The following ARHGAP39 variants were observed in gnomAD, a reference collection of about 807,000 sequenced individuals.
ARHGAP39 encodes the protein Rho GTPase activating protein 39.
Under a neutral mutation model 106.9 loss-of-function variants are expected in ARHGAP39, and 44 were observed. The ratio of observed to expected loss-of-function variants is 0.41; its 90% confidence interval spans 0.32 to 0.53. The LOEUF is 0.53. Among genes scored for constraint, ARHGAP39 ranks in the 20% least tolerant of loss-of-function variants. The probability of loss-of-function intolerance (pLI) is 0.21; values close to 1 mark genes in which losing one functional copy is unlikely to be tolerated. For missense variants in ARHGAP39, 1,496 were observed against 1,577.3 expected (o/e 0.95, Z 0.87); for synonymous variants, 768 against 693.2 (o/e 1.11, Z -1.69).
chr8:144,654,663 T>G (rs1420720830), intron 1 of ARHGAP39, among the ~76,000 whole-genome samples: 1 of 151,428 alleles, frequency 6.6e-6, no homozygotes, highest in Non-Finnish European at 1.5e-5. Flanking sequence ...CCGCCCCTTC[T>G]GAGTTGGGGC....
rs1181845774 is a variant in ARHGAP39, at chr8:144,585,864, G to A, written c.81-4587C>T. 1.3e-5 allele frequency among the ~76,000 whole-genome samples: 2 copies of A among 152,218 alleles called. No homozygotes were observed. The highest frequency in any genetic ancestry group is 1.5e-5 in the Non-Finnish European group (1 of 68,026). ...TGGCAACTGTTGAAAGGGGCTGGACGGGTGCCCTGCCTTCCCCCTGGAGCC... is the reference window on the plus strand; with the variant it reads ...TGGCAACTGTTGAAAGGGGCTGGACAGGTGCCCTGCCTTCCCCCTGGAGCC... On this transcript the variant is annotated intron_variant, in intron 2 of 11. Coordinates refer to ENST00000377307, the MANE Select transcript of ARHGAP39 (RefSeq NM_025251.3). The surrounding 1 kb of genome is among the most constrained non-coding windows in gnomAD (Gnocchi z 4.6).
chr8:144,600,866 AGCGT>A lies in ARHGAP39; in HGVS notation c.80+4665_80+4668del, dbSNP rs549682927. Among the ~76,000 whole-genome samples, 498 of 87,028 alleles carry A rather than the reference AGCGT, an allele frequency of 5.7e-3. 2 individuals are homozygous for A. The highest frequency in any genetic ancestry group is 9.4e-3 in the Admixed American group (86 of 9,178). The allele number at this position is 87,028 out of a possible 152,430, so 57.1% of individuals were successfully genotyped here. A position where few individuals can be genotyped will look rare whatever the true frequency, so the allele number is the denominator to read the frequency against. On this transcript the variant is annotated intron_variant, in intron 2 of 11. Transcript: ENST00000377307. Reference sequence around the variant, plus strand: ...TCGTGTACCTGTGTGTGTGCATGGAAGCGTGCGTGCGTGCTCGTGTACCTGTGCG... The same window carrying A: ...TCGTGTACCTGTGTGTGTGCATGGAAGCGTGCGTGCTCGTGTACCTGTGCG...
intron 1 of ARHGAP39, among the ~76,000 whole-genome samples, chr8:144,632,065 G>A (rs991028517): frequency 2.6e-5 from 4 of 152,170 alleles, no homozygotes; most frequent in Non-Finnish European, 5.9e-5. Context: ...GGTCTGCCAG[G>A]ACCATCACTG....
intron 2 of ARHGAP39, among the ~76,000 whole-genome samples, chr8:144,596,669 C>A (rs1038687059): frequency 6.6e-6 from 1 of 152,154 alleles, no homozygotes; most frequent in Non-Finnish European, 1.5e-5. Context: ...CACAGCCAGG[C>A]GCTGCTCTTT....
intron 8 of ARHGAP39, 135 bp downstream of exon 8, chr8:144,533,994 C>T: frequency 3.0e-6 from 3 of 996,872 alleles, no homozygotes; most frequent in South Asian, 1.5e-5. Flanking sequence ...ACCCCGCCAC[C>T]CGCCTAGGCG....
At chr8:144,537,188 G>A (rs1314997665) in intron 7 of ARHGAP39, among the ~76,000 whole-genome samples, 1 of 152,076 alleles carries the variant, frequency 6.6e-6, no homozygotes, top group Non-Finnish European at 1.5e-5. Context: ...TGGGTGGGAA[G>A]GGTGCTGGTG....
At position 144,671,784 on chromosome 8, in the gene ARHGAP39, C is replaced by G. The variant is rs1389075025; in HGVS notation, c.-82+13902G>C. ...GTCCACAGGATGTTAGCACAACTCA[C>G]TCCCGTGTCCCCCACCAGAGGCCTG... On this transcript the variant is annotated intron_variant, in intron 1 of 11. Coordinates refer to ENST00000377307, the MANE Select transcript of ARHGAP39 (RefSeq NM_025251.3). This position sits in a 1 kb window ranked among gnomAD's most constrained non-coding sequence, Gnocchi z 4.5. Among the ~76,000 whole-genome samples, 1 of 152,260 alleles carries G rather than the reference C, an allele frequency of 6.6e-6. No homozygotes were observed. The highest frequency in any genetic ancestry group is 2.4e-5 in the African/African-American group (1 of 41,476).
intron 10 of ARHGAP39, 29 bp from the exon 11 acceptor site, chr8:144,530,900 C>A: frequency 6.3e-7 from 1 of 1,588,480 alleles, no homozygotes; most frequent in Non-Finnish European, 8.6e-7. Flanking sequence ...GCTCAGCGGC[C>A]CTGCTCGGCG....
intron 9 of ARHGAP39, 33 bp from the exon 10 acceptor site, chr8:144,532,429 G>A (rs1161486744): frequency 1.3e-6 from 2 of 1,579,992 alleles, no homozygotes; most frequent in African/African-American, 1.3e-5. Context: ...CAGGCAACAG[G>A]AGCCTGTGCT....
intron 3 of ARHGAP39, among the ~76,000 whole-genome samples, chr8:144,566,088 T>C (rs1015554443): frequency 7.1e-6 from 1 of 141,202 alleles, no homozygotes; most frequent in Non-Finnish European, 1.5e-5. Flanking sequence ...AGCGAGACCC[T>C]GTCTCAACAA....
intron 4 of ARHGAP39, among the ~76,000 whole-genome samples, chr8:144,551,882 T>C (rs1817706197): frequency 6.6e-6 from 1 of 152,218 alleles, no homozygotes; most frequent in Admixed American, 6.5e-5. Flanking sequence ...CGATGGGCCT[T>C]CATAGCCCCT....
chr8:144,613,056 C>T (rs936918706), intron 1 of ARHGAP39, among the ~76,000 whole-genome samples: 5 of 152,170 alleles, frequency 3.3e-5, no homozygotes, highest in Non-Finnish European at 7.3e-5. Flanking sequence ...TTAGTAAATG[C>T]TTTTGGGTTT....
At chr8:144,557,217 C>A (rs909723281) in intron 3 of ARHGAP39, among the ~76,000 whole-genome samples, 1 of 144,830 alleles carries the variant, frequency 6.9e-6, no homozygotes, top group Non-Finnish European at 1.5e-5. Context: ...GAGGCAAAGG[C>A]TGAACCTTCG....
the ARHGAP39 span, among the ~76,000 whole-genome samples, chr8:144,699,652 G>C: frequency 6.7e-6 from 1 of 149,726 alleles, no homozygotes; most frequent in African/African-American, 2.5e-5. Flanking sequence ...GGTGGGCTAC[G>C]GGACGGGAGG....
In ARHGAP39 at chr8:144,578,240, T is replaced by C. The variant is rs112854947; in HGVS notation, c.512+2606A>G. On this transcript the variant is annotated intron_variant, in intron 3 of 11. Transcript: ENST00000377307. ...TATGACAGGTCAATTTTTGTTTGTT[T>C]GTTTTTGAGACAAAGTCTTGCTCTG... Among the ~76,000 whole-genome samples, 322 of 152,312 alleles carry C rather than the reference T, an allele frequency of 2.1e-3. 4 individuals carry two copies. The highest frequency in any genetic ancestry group is 3.4e-3 in the African/African-American group (141 of 41,560).
chr8:144,562,788 T>C (rs1033524229), intron 3 of ARHGAP39, among the ~76,000 whole-genome samples: 12 of 150,896 alleles, frequency 8.0e-5, no homozygotes, highest in African/African-American at 2.9e-4. Flanking sequence ...TCGGACTCAC[T>C]CCAGTGGTTT....
At chr8:144,577,752 A>G (rs1361984429) in intron 3 of ARHGAP39, among the ~76,000 whole-genome samples, 1 of 152,248 alleles carries the variant, frequency 6.6e-6, no homozygotes, top group Admixed American at 6.5e-5. Flanking sequence ...GAAACAAACA[A>G]ACAAAAAATT....
chr8:144,594,442 C>A (rs1819520801), intron 2 of ARHGAP39, among the ~76,000 whole-genome samples: 1 of 152,162 alleles, frequency 6.6e-6, no homozygotes, highest in Non-Finnish European at 1.5e-5. Flanking sequence ...TGCCTGTAAT[C>A]CCAGCACTTT....
chr8:144,690,074 A>C (rs986731351), upstream of ARHGAP39, among the ~76,000 whole-genome samples: 1 of 151,504 alleles, frequency 6.6e-6, no homozygotes, highest in Admixed American at 6.6e-5. Context: ...GAAACCACCG[A>C]ACTCTTTTTC....
Sources: allele counts gnomAD v4.1 joint callset (sites outside exome capture counted in the v4.1 genomes callset), GRCh38; gene constraint gnomAD v4.1.1; non-coding constraint Gnocchi (gnomAD v3.1); transcripts MANE v1.5; gene names NCBI Gene and HGNC (gene_info 2026-07-23, HGNC 2026-07-21).